Variants in SIK3 observed in about 807,000 individuals in gnomAD.
SIK3 encodes SIK family kinase 3.
Under a neutral mutation model 144.2 loss-of-function variants are expected in SIK3, and 28 were observed. That is an observed-to-expected ratio of 0.19 (90% CI 0.14 to 0.27). The LOEUF (loss-of-function observed/expected upper bound fraction) is 0.27, where lower values mean the gene tolerates loss of function less well. Among genes scored for constraint, SIK3 ranks in the 10% least tolerant of loss-of-function variants. SIK3 has a pLI of 1.00. For synonymous variants in SIK3, 686 were observed against 676.3 expected, an observed-to-expected ratio of 1.01 and a Z score of -0.22; for missense variants, 1,319 against 1,776.0, an observed-to-expected ratio of 0.74 and a Z score of 4.62.
chr11:117,082,618 G>A (rs1312333001), intron 1 of SIK3, among the ~76,000 whole-genome samples: 1 of 152,172 alleles, frequency 6.6e-6, no homozygotes, highest in Non-Finnish European at 1.5e-5. Context: ...GGGCTGAGAA[G>A]AGAGGTTGAA....
intron 1 of SIK3, among the ~76,000 whole-genome samples, chr11:116,965,563 GGA>G (rs1365345309): frequency 6.6e-6 from 1 of 151,006 alleles, no homozygotes; most frequent in East Asian, 1.9e-4. Context: ...TTAAGGTTAA[GGA>G]GCTGTTGAAA....
Position 117,047,210 on chromosome 11 carries a change from A to C in SIK3, c.273+50933T>G, listed in dbSNP as rs553136863. 3.3e-5 allele frequency among the ~76,000 whole-genome samples: 5 copies of C among 150,056 alleles called. No individual in the cohort carries two copies. In the South Asian group the frequency reaches 8.3e-4, roughly 25 times the overall value. ...ATGTTACAAATTTTGAGAACTAAAC[A>C]TAAAAAGTAATTTCCTTTTTTGGAG... is the stretch of plus-strand genomic sequence containing the variant. On this transcript the variant is annotated intron_variant, in intron 1 of 24. Coordinates refer to ENST00000445177, the MANE Select transcript of SIK3 (RefSeq NM_001366686.3).
intron 6 of SIK3, among the ~76,000 whole-genome samples, chr11:116,886,551 A>G (rs1944829983): frequency 6.6e-6 from 1 of 152,258 alleles, no homozygotes; most frequent in African/African-American, 2.4e-5. Flanking sequence ...CTCATGCAGT[A>G]TTACAATTAA....
intron 3 of SIK3, among the ~76,000 whole-genome samples, chr11:116,933,824 TCC>T (rs1385729239): frequency 7.2e-5 from 11 of 152,274 alleles, no homozygotes; most frequent in African/African-American, 2.6e-4. Context: ...TGTCAAAACC[TCC>T]GGATGGGTTC....
intron 6 of SIK3, among the ~76,000 whole-genome samples, chr11:116,877,932 T>G (rs919736944): frequency 6.6e-6 from 1 of 152,178 alleles, no homozygotes; most frequent in African/African-American, 2.4e-5. Context: ...CTAGGAGGAA[T>G]GTACTATCAT....
At chr11:117,008,090 A>C (rs906778823) in intron 1 of SIK3, among the ~76,000 whole-genome samples, 1 of 150,624 alleles carries the variant, frequency 6.6e-6, no homozygotes, top group African/African-American at 2.4e-5. Flanking sequence ...AAAAAAAAAA[A>C]AAAAAAAAAA....
intron 1 of SIK3, among the ~76,000 whole-genome samples, chr11:117,056,148 G>T (rs1334448203): frequency 1.3e-5 from 2 of 152,072 alleles, no homozygotes; most frequent in Admixed American, 6.6e-5. Context: ...CAAAGTCCCT[G>T]GATTAAGAAA....
chr11:116,979,144 C>T (rs539098397), intron 1 of SIK3, among the ~76,000 whole-genome samples: 1 of 152,280 alleles, frequency 6.6e-6, no homozygotes, highest in Non-Finnish European at 1.5e-5. Flanking sequence ...CTCATATCAT[C>T]TCTAACAACT....
intron 1 of SIK3, among the ~76,000 whole-genome samples, chr11:117,013,908 G>GT (rs1565556623): frequency 1.8e-4 from 11 of 61,612 alleles, no homozygotes; most frequent in African/African-American, 6.0e-4. Context: ...GAGGGGGGGG[G>GT]GGGGAGGGTG....
Position 117,093,691 on chromosome 11 carries a change from T to C in SIK3, c.273+4452A>G, listed in dbSNP as rs555353577. Among the ~76,000 whole-genome samples, 29 of 152,134 alleles carry C rather than the reference T, an allele frequency of 1.9e-4. No individual in the cohort carries two copies. In the South Asian group the frequency reaches 6.0e-3, roughly 32 times the overall value. ...CTATTTAAAAAAAAAAAAAAAAGTT[T>C]AACTAATGAAAATTTATGTTTTAAA... is the stretch of plus-strand genomic sequence containing the variant. On this transcript the variant is annotated intron_variant, in intron 1 of 24. Transcript: ENST00000445177.
intron 1 of SIK3, among the ~76,000 whole-genome samples, chr11:117,018,718 T>G (rs1376345268): frequency 6.6e-6 from 1 of 150,500 alleles, no homozygotes; most frequent in Admixed American, 6.6e-5. Context: ...TTTATTTTAT[T>G]TATTTTTTTT....
intron 1 of SIK3, among the ~76,000 whole-genome samples, chr11:117,005,173 T>C (rs1950995644): frequency 6.6e-6 from 1 of 151,774 alleles, no homozygotes; most frequent in African/African-American, 2.4e-5. Flanking sequence ...CTGGGCATGG[T>C]GGCTCACACC....
chr11:117,064,685 C>G (rs1953933108), intron 1 of SIK3, among the ~76,000 whole-genome samples: 1 of 152,192 alleles, frequency 6.6e-6, no homozygotes, highest in Admixed American at 6.5e-5. Context: ...ACAGGTCTTT[C>G]ATTTAAGTTC....
In SIK3 at chr11:116,849,691, T is replaced by C. The variant is rs1942279431; in HGVS notation, c.3656-408A>G. 6.6e-6 allele frequency among the ~76,000 whole-genome samples: 1 copy of C among 152,138 alleles called. No homozygotes were observed. Among genetic ancestry groups the C allele is most frequent in the South Asian group, 2.1e-4 (1 of 4,824 alleles). ...CGTCCTCTCTCCTCCCCCGGTGACCTCAGTGTACCACGCTGCTACTCTCCT... is the reference window on the plus strand; with the variant it reads ...CGTCCTCTCTCCTCCCCCGGTGACCCCAGTGTACCACGCTGCTACTCTCCT... On this transcript the variant is annotated intron_variant, in intron 21 of 24. Coordinates refer to ENST00000445177, the MANE Select transcript of SIK3 (RefSeq NM_001366686.3). The surrounding 1 kb of genome is among the most constrained non-coding windows in gnomAD (Gnocchi z 4.2).
intron 6 of SIK3, among the ~76,000 whole-genome samples, chr11:116,878,885 C>G (rs1432053175): frequency 6.6e-6 from 1 of 152,172 alleles, no homozygotes; most frequent in Non-Finnish European, 1.5e-5. Context: ...TCAGAAAGCT[C>G]TTCTTTAACC....
At chr11:117,038,401 G>T (rs1372378495) in intron 1 of SIK3, among the ~76,000 whole-genome samples, 3 of 147,348 alleles carry the variant, frequency 2.0e-5, no homozygotes, top group Non-Finnish European at 3.0e-5. Flanking sequence ...CTGTCTCCCA[G>T]GCTGGAGTGC....
At chr11:116,995,266 CAAA>C (rs1215261265) in intron 1 of SIK3, among the ~76,000 whole-genome samples, 3 of 96,644 alleles carry the variant, frequency 3.1e-5, no homozygotes, top group Admixed American at 2.1e-4. Context: ...GACTCCGTCT[CAAA>C]AAAAAAAAAA....
In SIK3 at chr11:117,031,687, A is replaced by ATTTTTTT. The variant is rs57524562; in HGVS notation, c.273+66449_273+66455dup. Among the ~76,000 whole-genome samples the ATTTTTTT allele has an allele frequency of 1.2e-3, 101 of 81,534 alleles. 3 individuals carry two copies. The highest frequency in any genetic ancestry group is 1.5e-3 in the East Asian group (4 of 2,620). The allele number at this position is 81,534 out of a possible 152,430, so 53.5% of individuals were successfully genotyped here. A position where few individuals can be genotyped will look rare whatever the true frequency, so the allele number is the denominator to read the frequency against. ...TGGCATGTACCACCACACCCGGCTA[A>ATTTTTTT]TTTTTTTTTTTTTTTTTTTTTTTTT... On this transcript the variant is annotated intron_variant, in intron 1 of 24. Coordinates refer to ENST00000445177, the MANE Select transcript of SIK3 (RefSeq NM_001366686.3).
intron 1 of SIK3, among the ~76,000 whole-genome samples, chr11:117,058,372 T>C (rs1953636729): frequency 6.6e-6 from 1 of 151,742 alleles, no homozygotes; most frequent in African/African-American, 2.4e-5. Context: ...ATACAGAAAG[T>C]AGCGAGGCAT....
Sources: allele counts gnomAD v4.1 joint callset (sites outside exome capture counted in the v4.1 genomes callset), GRCh38; gene constraint gnomAD v4.1.1; non-coding constraint Gnocchi (gnomAD v3.1); transcripts MANE v1.5; gene names NCBI Gene and HGNC (gene_info 2026-07-23, HGNC 2026-07-21).